EBF1: variants seen among roughly 807,000 people sequenced by gnomAD.
EBF1 encodes EBF transcription factor 1, also known as transcription factor COE1.
EBF1 carries 10 observed loss-of-function variants against 68.4 expected under a neutral mutation model. The observed-to-expected ratio is 0.15, with a 90% CI of 0.09 to 0.25. The LOEUF (loss-of-function observed/expected upper bound fraction) is 0.25, where lower values mean the gene tolerates loss of function less well. Ranked by LOEUF, EBF1 falls within the 10% of genes least tolerant of loss-of-function variation. The probability of loss-of-function intolerance (pLI) is 1.00; values close to 1 mark genes in which losing one functional copy is unlikely to be tolerated. For synonymous variants in EBF1, 298 were observed against 299.8 expected (o/e 0.99, Z 0.06); for missense variants, 509 against 794.4 (o/e 0.64, Z 4.32).
intron 6 of EBF1, among the ~76,000 whole-genome samples, chr5:159,059,496 C>G (rs1775400360): frequency 6.6e-6 from 1 of 152,174 alleles, no homozygotes; most frequent in Non-Finnish European, 1.5e-5. Flanking sequence ...TGAGAATTCT[C>G]AGGAAGAACA....
intron 6 of EBF1, 81 bp from the exon 7 acceptor site, chr5:158,840,191 G>A: frequency 1.0e-6 from 1 of 990,846 alleles, no homozygotes; most frequent in Non-Finnish European, 1.6e-6. Flanking sequence ...CCCCTGGGTT[G>A]TGCATTCGAT....
At chr5:158,700,179 A>G (rs530993950) in intron 15 of EBF1, among the ~76,000 whole-genome samples, 1 of 152,258 alleles carries the variant, frequency 6.6e-6, no homozygotes, top group Non-Finnish European at 1.5e-5. Context: ...TTAATTGCTT[A>G]ACTTTTCTGA....
intron 6 of EBF1, among the ~76,000 whole-genome samples, chr5:158,866,777 C>T (rs1317815692): frequency 6.9e-6 from 1 of 145,016 alleles, no homozygotes; most frequent in Non-Finnish European, 1.5e-5. Context: ...TGATTTCTTT[C>T]CAAACTATAA....
chr5:158,834,354 TA>T (rs945888555), intron 7 of EBF1, among the ~76,000 whole-genome samples: 65 of 152,316 alleles, frequency 4.3e-4, no homozygotes, highest in African/African-American at 1.5e-3. Flanking sequence ...TGTCGTGAGC[TA>T]TTTCCATCCC....
chr5:158,704,418 G>A (rs941094794), intron 15 of EBF1, among the ~76,000 whole-genome samples: 6 of 152,116 alleles, frequency 3.9e-5, no homozygotes, highest in Non-Finnish European at 8.8e-5. Context: ...ACACTTAAAT[G>A]GCCTAAATGT....
At chr5:159,043,303 T>C (rs1426060762) in intron 6 of EBF1, among the ~76,000 whole-genome samples, 1 of 152,212 alleles carries the variant, frequency 6.6e-6, no homozygotes, top group African/African-American at 2.4e-5. Flanking sequence ...GATCATCACT[T>C]CACTGAGGAC....
intron 6 of EBF1, among the ~76,000 whole-genome samples, chr5:158,868,714 T>C (rs1796349111): frequency 2.0e-5 from 3 of 152,196 alleles, no homozygotes; most frequent in African/African-American, 7.2e-5. Context: ...GATTACATGG[T>C]GCCCCTGTCT....
At chr5:158,759,385 C>G (rs942043248) in intron 10 of EBF1, among the ~76,000 whole-genome samples, 3 of 152,142 alleles carry the variant, frequency 2.0e-5, no homozygotes, top group Non-Finnish European at 4.4e-5. Flanking sequence ...TTTCAAGGAT[C>G]TGCTACAATG....
intron 6 of EBF1, among the ~76,000 whole-genome samples, chr5:158,938,860 A>G (rs982756612): frequency 9.2e-5 from 14 of 152,226 alleles, no homozygotes; most frequent in Admixed American, 9.2e-4. Context: ...ACAAACTTTC[A>G]GTCTATAACA....
At chr5:158,987,131 T>C (rs945365523) in intron 6 of EBF1, 1 of 152,224 alleles carries the variant, frequency 6.6e-6, no homozygotes, top group Non-Finnish European at 1.5e-5. Context: ...GTTGGAGAGA[T>C]AAAGTAGACA....
chr5:158,821,862 A>G (rs1784899548), intron 8 of EBF1, among the ~76,000 whole-genome samples: 1 of 152,236 alleles, frequency 6.6e-6, no homozygotes, highest in South Asian at 2.1e-4. Flanking sequence ...TTGAAAGATG[A>G]TGGTTTACTT....
At chr5:159,023,017 C>A (rs1218499900) in intron 6 of EBF1, among the ~76,000 whole-genome samples, 1 of 152,134 alleles carries the variant, frequency 6.6e-6, no homozygotes, top group Non-Finnish European at 1.5e-5. Context: ...TGAGACCTTG[C>A]CTTCCCAGTT....
In EBF1 at chr5:158,926,727, CAAAAA is replaced by C. The variant is rs1156550821; in HGVS notation, c.555-86622_555-86618del. 7.0e-5 allele frequency among the ~76,000 whole-genome samples: 5 copies of C among 71,914 alleles called. 1 individual carries two copies. The South Asian group carries it at 2.0e-3, about 29-fold the overall frequency. 47.2% of individuals were successfully genotyped at this position (71,914 alleles called of 152,430 possible). On this transcript the variant is annotated intron_variant, in intron 6 of 15. Coordinates refer to ENST00000313708, the MANE Select transcript of EBF1 (RefSeq NM_024007.5). ...TGACAAAGACAGAGAGACTACATTT[CAAAAA>C]AAAAAAAAAGAAAAGAAAAAAGAAA...
chr5:159,010,224 G>A (rs1764359919), intron 6 of EBF1, among the ~76,000 whole-genome samples: 1 of 152,222 alleles, frequency 6.6e-6, no homozygotes. Flanking sequence ...AGATGGAGAT[G>A]AGTAGGAGGG....
intron 6 of EBF1, among the ~76,000 whole-genome samples, chr5:158,893,000 A>G (rs1305458297): frequency 6.6e-6 from 1 of 151,946 alleles, no homozygotes; most frequent in Non-Finnish European, 1.5e-5. Flanking sequence ...ATCTTTTCTA[A>G]ACAGTTTATG....
At chr5:158,867,438 G>A (rs1224845130) in intron 6 of EBF1, among the ~76,000 whole-genome samples, 1 of 152,196 alleles carries the variant, frequency 6.6e-6, no homozygotes, top group East Asian at 1.9e-4. Flanking sequence ...ATGGGATACA[G>A]TGTTTCTTTA....
intron 6 of EBF1, among the ~76,000 whole-genome samples, chr5:158,891,596 G>A (rs944215599): frequency 1.3e-5 from 2 of 152,030 alleles, no homozygotes; most frequent in Non-Finnish European, 2.9e-5. Flanking sequence ...CCTTCTTAGA[G>A]CCAGCTAGTG....
intron 14 of EBF1, among the ~76,000 whole-genome samples, chr5:158,710,309 C>T (rs1297733378): frequency 1.3e-5 from 2 of 152,176 alleles, no homozygotes; most frequent in African/African-American, 2.4e-5. Flanking sequence ...GCTGAAGCGG[C>T]TGAGTGTCTG....
chr5:159,076,848 G>C (rs1366995965), intron 5 of EBF1, among the ~76,000 whole-genome samples: 2 of 152,144 alleles, frequency 1.3e-5, no homozygotes, highest in Non-Finnish European at 2.9e-5. Flanking sequence ...ACATACATAT[G>C]AGTGTACATA....
Sources: allele counts gnomAD v4.1 joint callset (sites outside exome capture counted in the v4.1 genomes callset), GRCh38; gene constraint gnomAD v4.1.1; transcripts MANE v1.5; gene names NCBI Gene and HGNC (gene_info 2026-07-23, HGNC 2026-07-21).